TECRL: variants seen among roughly 807,000 people sequenced by gnomAD.
TECRL encodes trans-2,3-enoyl-CoA reductase like, also known as trans-2,3-enoyl-CoA reductase-like.
A neutral mutation model predicts 52.8 loss-of-function variants in TECRL; 63 were observed. The observed-to-expected ratio is 1.19, with a 90% CI of 0.97 to 1.47. TECRL has a LOEUF of 1.47. TECRL is among the 40% of genes most tolerant of loss of function. TECRL has a pLI of 0.00. For synonymous variants in TECRL, 164 were observed against 141.9 expected (o/e 1.16, Z -1.10); for missense variants, 482 against 429.6 (o/e 1.12, Z -1.08).
intron 1 of TECRL, among the ~76,000 whole-genome samples, chr4:64,399,522 A>G (rs1403406854): frequency 6.6e-6 from 1 of 152,092 alleles, no homozygotes; most frequent in African/African-American, 2.4e-5. Context: ...AGGCATCTCA[A>G]ATATCTAAGA....
intron 2 of TECRL, among the ~76,000 whole-genome samples, chr4:64,373,314 T>C (rs1048506258): frequency 7.3e-5 from 11 of 151,676 alleles, no homozygotes; most frequent in African/African-American, 2.7e-4. Context: ...CAAAGGAAAA[T>C]AAAATAATAG....
At chr4:64,331,800 A>C (rs149003030) in intron 2 of TECRL, among the ~76,000 whole-genome samples, 1,802 of 152,232 alleles carry the variant, frequency 0.012, 27 homozygotes, top group Admixed American at 0.014. Flanking sequence ...ATGAGCCTGA[A>C]GAACCTACTC....
At chr4:64,300,305 A>G (rs551769404) in intron 7 of TECRL, among the ~76,000 whole-genome samples, 1 of 150,884 alleles carries the variant, frequency 6.6e-6, no homozygotes, top group South Asian at 2.1e-4. Flanking sequence ...CCCATTTTAA[A>G]AGCACACTTA....
chr4:64,284,864 C>A (rs891453393), intron 9 of TECRL, among the ~76,000 whole-genome samples: 1 of 151,928 alleles, frequency 6.6e-6, no homozygotes, highest in African/African-American at 2.4e-5. Flanking sequence ...AGTATTGGAA[C>A]GTGAATCAGT....
At chr4:64,373,300 C>G (rs776677404) in intron 2 of TECRL, among the ~76,000 whole-genome samples, 1 of 151,570 alleles carries the variant, frequency 6.6e-6, no homozygotes, top group African/African-American at 2.4e-5. Context: ...AAGATTAGTA[C>G]TTACAAAGGA....
intron 1 of TECRL, among the ~76,000 whole-genome samples, chr4:64,401,349 C>T (rs990259656): frequency 1.3e-5 from 2 of 152,118 alleles, no homozygotes; most frequent in African/African-American, 4.8e-5. Context: ...TATTACTTTC[C>T]TGCCTCTTTT....
intron 2 of TECRL, among the ~76,000 whole-genome samples, chr4:64,346,674 C>T (rs1720011552): frequency 6.6e-6 from 1 of 152,200 alleles, no homozygotes; most frequent in South Asian, 2.1e-4. Context: ...ATTTTTTCCT[C>T]CTAGGTTTCC....
rs560897297 is a variant in TECRL, at chr4:64,354,012, G to C, written c.286+21160C>G. The stretch of plus-strand genomic sequence containing the variant: ...ACAAAATGAGTCAAAGAAAGGAATG[G>C]TATGCCACGTCAAATGCAGTTGAAA... On this transcript the variant is annotated intron_variant, in intron 2 of 11. Coordinates refer to ENST00000381210, the MANE Select transcript of TECRL (RefSeq NM_001010874.5). Among the ~76,000 whole-genome samples, 7 of 152,208 alleles carry C rather than the reference G, an allele frequency of 4.6e-5. No individual in the cohort carries two copies. In the South Asian group the frequency reaches 1.2e-3, roughly 27 times the overall value.
At position 64,407,371 on chromosome 4, in the gene TECRL, T is replaced by C. The variant is rs575210007; in HGVS notation, c.234+1747A>G. On this transcript the variant is annotated intron_variant, in intron 1 of 11. Coordinates refer to ENST00000381210, the MANE Select transcript of TECRL (RefSeq NM_001010874.5). The stretch of plus-strand genomic sequence containing the variant: ...TTCATTTCTTCTAAATGTTTAATTT[T>C]TTTCACAATTTAATTAACACGTAAA... Among the ~76,000 whole-genome samples, 133 of 152,186 alleles carry C rather than the reference T, an allele frequency of 8.7e-4. 3 individuals carry two copies. Among genetic ancestry groups the C allele is most frequent in the Non-Finnish European group, 1.8e-3 (119 of 67,946 alleles).
intron 2 of TECRL, among the ~76,000 whole-genome samples, chr4:64,342,891 C>T (rs760928497): frequency 1.3e-5 from 2 of 151,864 alleles, no homozygotes; most frequent in African/African-American, 2.4e-5. Context: ...TCCTGAGACA[C>T]GTTTTCTGAA....
intron 1 of TECRL, among the ~76,000 whole-genome samples, chr4:64,395,763 T>G (rs1723902447): frequency 6.6e-6 from 1 of 152,168 alleles, no homozygotes; most frequent in South Asian, 2.1e-4. Context: ...TAGCTTAGTA[T>G]GAAACAACCC....
chr4:64,343,968 AT>A (rs1719766736), intron 2 of TECRL, among the ~76,000 whole-genome samples: 2 of 152,052 alleles, frequency 1.3e-5, no homozygotes, highest in South Asian at 2.1e-4. Flanking sequence ...TTTAAAAAAA[AT>A]AAATATTAAT....
At chr4:64,290,462 T>C (rs768524443) in intron 8 of TECRL, among the ~76,000 whole-genome samples, 9 of 152,174 alleles carry the variant, frequency 5.9e-5, no homozygotes, top group Middle Eastern at 3.2e-3. Context: ...ATTTGACATA[T>C]AAATACTATG....
intron 2 of TECRL, among the ~76,000 whole-genome samples, chr4:64,365,923 C>T (rs1414703951): frequency 6.6e-6 from 1 of 152,016 alleles, no homozygotes; most frequent in Admixed American, 6.6e-5. Flanking sequence ...TCCCAAACAG[C>T]CAAAGGAATC....
chr4:64,296,644 A>C (rs985633838), intron 8 of TECRL, among the ~76,000 whole-genome samples: 1 of 151,718 alleles, frequency 6.6e-6, no homozygotes, highest in Non-Finnish European at 1.5e-5. Flanking sequence ...GCTTCTGGAG[A>C]GTAAAAATAA....
intron 2 of TECRL, among the ~76,000 whole-genome samples, chr4:64,343,491 G>T (rs1457895282): frequency 1.3e-5 from 2 of 151,756 alleles, no homozygotes; most frequent in African/African-American, 4.8e-5. Flanking sequence ...TGCTCAACAG[G>T]AAAGAAATCA....
intron 9 of TECRL, 124 bp from the exon 10 acceptor site, chr4:64,281,683 T>C: frequency 1.8e-6 from 1 of 564,470 alleles, no homozygotes; most frequent in Non-Finnish European, 3.1e-6. Context: ...CACGTATTTA[T>C]AGTAACCTAT....
chr4:64,404,485 C>T (rs1479121655), intron 1 of TECRL, among the ~76,000 whole-genome samples: 2 of 152,020 alleles, frequency 1.3e-5, no homozygotes, highest in Admixed American at 6.6e-5. Flanking sequence ...CCTACAATCT[C>T]TTATTTTTAA....
chr4:64,343,177 A>G (rs1233625839), intron 2 of TECRL, among the ~76,000 whole-genome samples: 3 of 152,162 alleles, frequency 2.0e-5, no homozygotes, highest in Non-Finnish European at 4.4e-5. Flanking sequence ...TAGACAAAAT[A>G]CATTTCTAAG....
Sources: allele counts gnomAD v4.1 joint callset (sites outside exome capture counted in the v4.1 genomes callset), GRCh38; gene constraint gnomAD v4.1.1; transcripts MANE v1.5; gene names NCBI Gene and HGNC (gene_info 2026-07-23, HGNC 2026-07-21).